CFAP69: variants seen among roughly 807,000 people sequenced by gnomAD.
CFAP69 encodes cilia and flagella associated protein 69, also known as cilia- and flagella-associated protein 69.
A neutral mutation model predicts 123.0 loss-of-function variants in CFAP69; 92 were observed. The ratio of observed to expected loss-of-function variants is 0.75; its 90% CI spans 0.63 to 0.89. CFAP69 has a LOEUF of 0.89. CFAP69 is among the 40% of genes least tolerant of loss of function. CFAP69 has a pLI of 0.00. For synonymous variants in CFAP69, 380 were observed against 364.3 expected, an observed-to-expected ratio of 1.04 and a Z score of -0.49; for missense variants, 1,067 against 1,096.9, an observed-to-expected ratio of 0.97 and a Z score of 0.39.
chr7:90,276,710 C>T (rs1479321086), intron 9 of CFAP69, among the ~76,000 whole-genome samples: 2 of 152,246 alleles, frequency 1.3e-5, no homozygotes, highest in East Asian at 3.9e-4. Flanking sequence ...GGATTTTCCT[C>T]CCTTACTGTG....
At chr7:90,277,020 T>C in intron 9 of CFAP69, 53 bp from the exon 10 acceptor site, 1 of 1,305,000 alleles carries the variant, frequency 7.7e-7, no homozygotes. Context: ...ATCTGCATCA[T>C]AACTTTCATC....
rs942748529 is a variant in CFAP69, at chr7:90,287,699, C to A, written c.1657-535C>A. ...GCCTGGGCTCCTCTGGAAAAATAAT[C>A]ATAATCTTGCTTACTGGGAACCAGA... On this transcript the variant is annotated intron_variant, in intron 14 of 22. Coordinates refer to ENST00000389297, the MANE Select transcript of CFAP69 (RefSeq NM_001039706.3). The A allele has an allele frequency of 8.1e-6, 8 of 985,366 alleles. No individual in the cohort carries two copies. In the East Asian group the frequency reaches 6.8e-4, roughly 84 times the overall value. 61.0% of individuals were successfully genotyped at this position (985,366 alleles called of 1,614,324 possible).
At chr7:90,275,172 C>A (rs561364039) in intron 9 of CFAP69, among the ~76,000 whole-genome samples, 3 of 152,156 alleles carry the variant, frequency 2.0e-5, no homozygotes, top group South Asian at 4.2e-4. Context: ...TATTTTTATT[C>A]CTTTTTATAG....
At chr7:90,249,988 G>C (rs1281392418) in intron 1 of CFAP69, among the ~76,000 whole-genome samples, 4 of 152,164 alleles carry the variant, frequency 2.6e-5, no homozygotes. Context: ...TCCTGTCACT[G>C]TCAGTAATAC....
downstream of CFAP69, among the ~76,000 whole-genome samples, chr7:90,315,700 G>C (rs1057387304): frequency 6.6e-6 from 1 of 152,196 alleles, no homozygotes; most frequent in African/African-American, 2.4e-5. Context: ...ACAAACCCCC[G>C]TGAAATGAGT....
chr7:90,323,170 T>C, the CFAP69 span, among the ~76,000 whole-genome samples: 1 of 152,240 alleles, frequency 6.6e-6, no homozygotes, highest in Non-Finnish European at 1.5e-5. Flanking sequence ...TTACTCTTGG[T>C]GTCTACCCCC....
chr7:90,279,849 G>A lies in CFAP69; in HGVS notation c.1328G>A (p.Gly443Glu). 1 of 1,611,116 alleles carries A rather than the reference G, an allele frequency of 6.2e-7. No homozygotes were observed. ...LLIEEYMSCQ[G>E]NARVLAFLEW... ...ATAGAAGAATACATGTCATGCCAGG[G>A]AAATGCTCGAGTCCTTGCATTTCTA... is the stretch of plus-strand genomic sequence containing the variant. The change falls in exon 12 of 23, where the codon GGA becomes GAA. Residue 443 changes from glycine (G) to glutamate (E), a missense_variant. By Grantham distance (98) the Gly-to-Glu change is moderately conservative (BLOSUM62 -2). Coordinates refer to ENST00000389297, the MANE Select transcript of CFAP69 (RefSeq NM_001039706.3).
At chr7:90,296,408 ACCT>A (rs1477159545) in intron 15 of CFAP69, among the ~76,000 whole-genome samples, 2 of 151,652 alleles carry the variant, frequency 1.3e-5, no homozygotes, top group African/African-American at 2.4e-5. Context: ...GCTCACTGCA[ACCT>A]CCTCCTCCTG....
In CFAP69 at chr7:90,283,009, C is replaced by T. The variant is rs1232721809; in HGVS notation, c.1490C>T (p.Thr497Ile). Residue 497 changes from threonine (T) to isoleucine (I), a missense_variant, in exon 13 of 23, where the codon ACT becomes ATT. Transcript: ENST00000389297. ...GCCGTGGTCTACCTTGAAGATGAGA[C>T]TGTAAACAAAGATCTTTGTGAAAAG... is the stretch of plus-strand genomic sequence containing the variant. ...LRAVVYLEDETVNKDLCEKGT... is the reference protein window; with the variant it reads ...LRAVVYLEDEIVNKDLCEKGT... 1.3e-6 allele frequency: 2 copies of T among 1,586,236 alleles called. No individual in the cohort carries two copies. Among genetic ancestry groups the T allele is most frequent in the Non-Finnish European group, 1.7e-6 (2 of 1,167,580 alleles).
chr7:90,255,157 C>G (rs553648796), intron 1 of CFAP69, among the ~76,000 whole-genome samples: 7 of 152,274 alleles, frequency 4.6e-5, no homozygotes, highest in Non-Finnish European at 1.0e-4. Context: ...TACTATTATT[C>G]TAAATATTTT....
At chr7:90,273,820 C>G (rs1800338136) in intron 8 of CFAP69, among the ~76,000 whole-genome samples, 167 bp from the exon 9 acceptor site, 1 of 151,972 alleles carries the variant, frequency 6.6e-6, no homozygotes, top group Admixed American at 6.6e-5. Flanking sequence ...CTCTGGAGTC[C>G]CTTTTATAAG....
chr7:90,305,065 G>C (rs755955343), intron 19 of CFAP69, among the ~76,000 whole-genome samples: 1 of 152,012 alleles, frequency 6.6e-6, no homozygotes, highest in Non-Finnish European at 1.5e-5. Context: ...GATATAAGCC[G>C]GGCACGGTGG....
chr7:90,304,077 C>T lies in CFAP69; in HGVS notation c.2159C>T (p.Ala720Val), dbSNP rs1040034702. ...AVMDVSENIR[A>V]KIYAILGKLD... The stretch of plus-strand genomic sequence containing the variant: ...ATGGATGTTTCTGAGAATATTAGAG[C>T]AAAAATTTATGCTATATTGGGCAAA... Residue 720 changes from alanine to valine, a missense_variant, in exon 18 of 23, where the codon GCA becomes GTA. By Grantham distance (64) the Ala-to-Val change is moderately conservative. Coordinates refer to ENST00000389297, the MANE Select transcript of CFAP69 (RefSeq NM_001039706.3). The T allele has an allele frequency of 1.3e-6, 2 of 1,550,320 alleles. No homozygotes were observed. The highest frequency in any genetic ancestry group is 4.9e-5 in the East Asian group (2 of 40,762).
intron 2 of CFAP69, among the ~76,000 whole-genome samples, chr7:90,256,326 A>G (rs1287496243): frequency 6.6e-6 from 1 of 152,118 alleles, no homozygotes; most frequent in Admixed American, 6.6e-5. Context: ...GGAGGTGAAC[A>G]ATGAGAACAC....
intron 8 of CFAP69, 50 bp from the exon 9 acceptor site, chr7:90,273,937 A>T (rs2116948193): frequency 1.4e-6 from 2 of 1,397,020 alleles, no homozygotes; most frequent in Non-Finnish European, 1.9e-6. Context: ...AGGGACGCAA[A>T]CATTTAGTGT....
rs766551196 is a variant in CFAP69 at position 90,245,517 on chromosome 7, G to T, written c.93G>T (p.Gly31=). 3 of 1,524,996 alleles carry T rather than the reference G, an allele frequency of 2.0e-6. No homozygotes were observed. Among genetic ancestry groups the T allele is most frequent in the Non-Finnish European group, 1.8e-6 (2 of 1,139,902 alleles). The allele number at this position is 1,524,996 out of a possible 1,614,324, so 94.5% of individuals were successfully genotyped here. A position where few individuals can be genotyped will look rare whatever the true frequency, so the allele number is the denominator to read the frequency against. The change falls in exon 1 of 23, where the codon GGG becomes GGT. Residue 31 remains glycine (G), a synonymous_variant. Coordinates refer to ENST00000389297, the MANE Select transcript of CFAP69 (RefSeq NM_001039706.3). The part of the protein sequence containing the change: ...SSSSSQIPVV[G]VVTEDDEAQD... ...GTTCCAGTCAAATCCCGGTGGTTGG[G>T]GTGGTGACGGAGGACGATGAGGCGC... is the stretch of plus-strand genomic sequence containing the variant.
At chr7:90,313,250 T>C (rs1230804865), downstream of CFAP69, among the ~76,000 whole-genome samples, 1 of 152,202 alleles carries the variant, frequency 6.6e-6, no homozygotes, top group Non-Finnish European at 1.5e-5. Context: ...AGATCAAAGA[T>C]TTTTCAGGTG....
At chr7:90,304,845 T>A (rs1584543578) in intron 19 of CFAP69, 25 bp downstream of exon 19, 5 of 1,341,062 alleles carry the variant, frequency 3.7e-6, no homozygotes, top group Middle Eastern at 1.8e-4. Context: ...AATAACCTGA[T>A]TATTAAAATC....
At chr7:90,266,064 G>A (rs1799119826) in intron 5 of CFAP69, 1 of 151,802 alleles carries the variant, frequency 6.6e-6, no homozygotes, top group African/African-American at 2.4e-5. Flanking sequence ...TTGTACAGGA[G>A]GAATAAAAGA....
Sources: allele counts gnomAD v4.1 joint callset (sites outside exome capture counted in the v4.1 genomes callset), GRCh38; gene constraint gnomAD v4.1.1; transcripts MANE v1.5; gene names NCBI Gene and HGNC (gene_info 2026-07-23, HGNC 2026-07-21).